BAIAP2: variants seen among roughly 807,000 people sequenced by gnomAD.
The protein encoded by BAIAP2 is BAR/IMD domain containing adaptor protein 2.
A neutral mutation model predicts 63.0 loss-of-function variants in BAIAP2; 18 were observed. That is an observed-to-expected ratio of 0.29 (90% CI 0.20 to 0.42). The LOEUF is 0.42. BAIAP2 is among the 10% of genes least tolerant of loss of function. BAIAP2 has a pLI of 1.00. For synonymous variants in BAIAP2, 386 were observed against 307.6 expected, an observed-to-expected ratio of 1.25 and a Z score of -2.67; for missense variants, 610 against 734.3, an observed-to-expected ratio of 0.83 and a Z score of 1.96.
At chr17:81,109,495 C>CCCG (rs2059637753) in intron 13 of BAIAP2, 1 of 985,688 alleles carries the variant, frequency 1.0e-6, no homozygotes, top group African/African-American at 1.7e-5. Context: ...ATCCGACTTC[C>CCCG]CCGGTGCGAT....
At chr17:81,092,713 AGC>A (rs1180596895) in intron 6 of BAIAP2, among the ~76,000 whole-genome samples, 1 of 152,066 alleles carries the variant, frequency 6.6e-6, no homozygotes, top group African/African-American at 2.4e-5. Flanking sequence ...GGCCTTGGGC[AGC>A]GGCACCTTCA....
chr17:81,070,191 T>G (rs986442212), intron 3 of BAIAP2, among the ~76,000 whole-genome samples: 25 of 152,178 alleles, frequency 1.6e-4, no homozygotes, highest in Admixed American at 7.9e-4. Context: ...ACTCCTGGAC[T>G]CAAGTGATCC....
intron 1 of BAIAP2, among the ~76,000 whole-genome samples, chr17:81,043,550 G>A (rs1195692824): frequency 1.3e-5 from 2 of 152,240 alleles, no homozygotes; most frequent in Non-Finnish European, 2.9e-5. Context: ...TGGCTCTGGG[G>A]ACGGCTGGGC....
intron 13 of BAIAP2, chr17:81,109,149 CTG>C: frequency 3.5e-6 from 5 of 1,440,958 alleles, no homozygotes; most frequent in African/African-American, 1.4e-5. Context: ...ACCCCAGACT[CTG>C]TGATCCCCCA....
At chr17:81,038,604 C>T (rs895960970) in intron 1 of BAIAP2, among the ~76,000 whole-genome samples, 7 of 152,228 alleles carry the variant, frequency 4.6e-5, no homozygotes, top group African/African-American at 1.4e-4. Flanking sequence ...TTCGAGGAGA[C>T]GGGTGCCACA....
At chr17:81,054,660 A>G (rs546219339) in intron 2 of BAIAP2, among the ~76,000 whole-genome samples, 1 of 152,252 alleles carries the variant, frequency 6.6e-6, no homozygotes, top group Non-Finnish European at 1.5e-5. Context: ...GAAATGAGCG[A>G]ACGCCCTGCA....
In BAIAP2 at chr17:81,104,588, G is replaced by A; in HGVS notation, c.1141G>A (p.Ala381Thr). Residue 381 changes from alanine to threonine, a missense_variant, in exon 10 of 14, where the codon GCC becomes ACC. Ala to Thr is a moderately conservative substitution (Grantham distance 58). Around this residue, in one of 5 missense-constraint regions of BAIAP2, gnomAD observed 67 missense variants for 132.0 expected, o/e 0.51. Transcript: ENST00000428708. ...LERNGRMRVK[A>T]IFSHAAGDNS... ...GCGCAATGGCCGTATGCGGGTGAAG[G>A]CCATCTTCTCCCACGCTGCTGGGGA... The A allele has an allele frequency of 6.2e-7, 1 of 1,612,240 alleles. No individual in the cohort carries two copies. The highest frequency in any genetic ancestry group is 8.5e-7 in the Non-Finnish European group (1 of 1,179,910).
chr17:81,112,706 C>T (rs1211035150), intron 13 of BAIAP2, among the ~76,000 whole-genome samples: 15 of 152,226 alleles, frequency 9.9e-5, no homozygotes, highest in South Asian at 2.1e-4. Context: ...GCATTTGTGA[C>T]GGCTCCGTTT....
rs757348479 is a variant in BAIAP2, at chr17:81,103,899, C to T, written c.865-8C>T. The T allele has an allele frequency of 1.9e-6, 3 of 1,612,678 alleles. No individual in the cohort carries two copies. The highest frequency in any genetic ancestry group is 1.3e-5 in the African/African-American group (1 of 74,934). ...CAGCAACAGCCTGCTCTGCCTGCTT[C>T]CCTGCAGCGGATGTCTGCCCAGGAG... is the stretch of plus-strand genomic sequence containing the variant. On this transcript the variant is annotated splice_region_variant and splice_polypyrimidine_tract_variant and intron_variant, in intron 8 of 13. Coordinates refer to ENST00000428708, the MANE Select transcript of BAIAP2 (RefSeq NM_001144888.2).
chr17:81,046,821 C>T lies in BAIAP2; in HGVS notation c.55-6847C>T, dbSNP rs1041235597. Among the ~76,000 whole-genome samples the T allele has an allele frequency of 1.3e-5, 2 of 152,142 alleles. No homozygotes were observed. The highest frequency in any genetic ancestry group is 2.9e-5 in the Non-Finnish European group (2 of 68,018). On this transcript the variant is annotated intron_variant, in intron 1 of 13. Coordinates refer to ENST00000428708, the MANE Select transcript of BAIAP2 (RefSeq NM_001144888.2). The surrounding 1 kb of genome is among the most constrained non-coding windows in gnomAD (Gnocchi z 4.5). Reference sequence around the variant, plus strand: ...GAGCCTGGCATCCTAGGCAGAGTCCCGTCAAGTCTACGTGGACCAGAGTCG... The same window carrying T: ...GAGCCTGGCATCCTAGGCAGAGTCCTGTCAAGTCTACGTGGACCAGAGTCG...
At chr17:81,105,332 C>T (rs2059045947) in intron 10 of BAIAP2, 1 of 154,380 alleles carries the variant, frequency 6.5e-6, no homozygotes, top group African/African-American at 2.4e-5. Flanking sequence ...TGTACACACT[C>T]AGCACGTCCA....
intron 1 of BAIAP2, chr17:81,035,971 A>C (rs999236524): frequency 1.3e-5 from 2 of 152,210 alleles, no homozygotes; most frequent in Non-Finnish European, 2.9e-5. Flanking sequence ...CGGAGAGAGA[A>C]GACTAATTGT....
intron 1 of BAIAP2, among the ~76,000 whole-genome samples, chr17:81,042,906 C>G (rs1236004475): frequency 1.3e-5 from 2 of 150,958 alleles, no homozygotes; most frequent in African/African-American, 4.9e-5. Context: ...TTATTTAAGA[C>G]AGAGTCTTGT....
In BAIAP2 at chr17:81,108,783, T is replaced by C. The variant is rs2059499132; in HGVS notation, c.1535+274T>C. 1.2e-5 allele frequency: 12 copies of C among 1,035,392 alleles called. 1 individual carries two copies. In the South Asian group the frequency reaches 1.5e-4, roughly 13 times the overall value. 64.1% of individuals were successfully genotyped at this position (1,035,392 alleles called of 1,614,324 possible). Reference sequence around the variant, plus strand: ...TTGGGGAGGGTAGCTGAGGCTGGCATCCATGGCTGGGGCTGCAGCCTCCTC... The same window carrying C: ...TTGGGGAGGGTAGCTGAGGCTGGCACCCATGGCTGGGGCTGCAGCCTCCTC... On this transcript the variant is annotated intron_variant, in intron 13 of 13. Transcript: ENST00000428708.
intron 1 of BAIAP2, among the ~76,000 whole-genome samples, chr17:81,035,529 C>A (rs1156956020): frequency 6.7e-6 from 1 of 149,386 alleles, no homozygotes; most frequent in Non-Finnish European, 1.5e-5. Flanking sequence ...CCGGGCCCCC[C>A]CATCCCATGC....
intron 3 of BAIAP2, among the ~76,000 whole-genome samples, chr17:81,078,162 G>C (rs538426972): frequency 3.0e-5 from 4 of 133,394 alleles, no homozygotes; most frequent in South Asian, 2.4e-4. Flanking sequence ...GCTGGATGCT[G>C]TGGGTGCGGG....
At chr17:81,045,642 C>T (rs898429350) in intron 1 of BAIAP2, among the ~76,000 whole-genome samples, 7 of 152,142 alleles carry the variant, frequency 4.6e-5, no homozygotes, top group African/African-American at 1.4e-4. Context: ...GAGCTACCAC[C>T]TTAGGGGACA....
chr17:81,035,206 C>G lies in BAIAP2; in HGVS notation c.-49C>G. ...GCTGCCGTTACCGCCGCTGCTGCCG[C>G]CGCTTGCGTCCCCCGCTCCGGTCTG... On this transcript the variant is annotated 5_prime_UTR_variant, in exon 1 of 14. Transcript: ENST00000428708. The G allele has an allele frequency of 7.0e-7, 1 of 1,435,488 alleles. No individual in the cohort carries two copies. Among genetic ancestry groups the G allele is most frequent in the Non-Finnish European group, 9.3e-7 (1 of 1,078,280 alleles). The allele number at this position is 1,435,488 out of a possible 1,614,324, so 88.9% of individuals were successfully genotyped here.
intron 1 of BAIAP2, among the ~76,000 whole-genome samples, chr17:81,042,745 G>C (rs2047261041): frequency 6.6e-6 from 1 of 152,116 alleles, no homozygotes; most frequent in African/African-American, 2.4e-5. Flanking sequence ...GGGGGAGAGG[G>C]TGTCCCCTAG....
Sources: allele counts gnomAD v4.1 joint callset (sites outside exome capture counted in the v4.1 genomes callset), GRCh38; gene constraint gnomAD v4.1.1; regional missense constraint gnomAD v4.1.1; non-coding constraint Gnocchi (gnomAD v3.1); transcripts MANE v1.5; gene names NCBI Gene and HGNC (gene_info 2026-07-23, HGNC 2026-07-21).